The following MYO3A variants were observed in gnomAD, a reference collection of about 807,000 sequenced individuals.
MYO3A encodes the protein myosin-IIIa.
A neutral mutation model predicts 192.7 loss-of-function variants in MYO3A; 180 were observed. The observed-to-expected ratio is 0.93, with a 90% CI of 0.83 to 1.06. The LOEUF (loss-of-function observed/expected upper bound fraction) is 1.06, where lower values mean the gene tolerates loss of function less well. Among genes scored for constraint, MYO3A ranks in the 50% least tolerant of loss-of-function variants. The pLI, the probability that MYO3A is intolerant of heterozygous loss-of-function variation, is 0.00. For synonymous variants in MYO3A, 628 were observed against 645.3 expected (o/e 0.97, Z 0.41); for missense variants, 1,896 against 1,905.0 (o/e 1.00, Z 0.09).
intron 2 of MYO3A, among the ~76,000 whole-genome samples, chr10:25,951,411 G>T (rs12246082): frequency 0.033 from 5,043 of 152,210 alleles, 327 homozygotes; most frequent in African/African-American, 0.11. Context: ...GTATGAAGTG[G>T]TCTCTAAGCT....
At chr10:26,205,065 C>T (rs564737665) in intron 34 of MYO3A, among the ~76,000 whole-genome samples, 15 of 152,090 alleles carry the variant, frequency 9.9e-5, no homozygotes, top group Non-Finnish European at 1.2e-4. Context: ...ATTGGCATTG[C>T]GCGAGAGGGT....
At chr10:26,080,956 G>A (rs898441043) in intron 14 of MYO3A, among the ~76,000 whole-genome samples, 2 of 152,088 alleles carry the variant, frequency 1.3e-5, no homozygotes, top group African/African-American at 4.8e-5. Flanking sequence ...GGTGGAGGTA[G>A]TAGGGGGAGT....
intron 17 of MYO3A, among the ~76,000 whole-genome samples, chr10:26,109,607 C>T (rs1004840718): frequency 7.9e-5 from 12 of 152,180 alleles, no homozygotes; most frequent in Admixed American, 2.0e-4. Flanking sequence ...GGGAGGTATC[C>T]ACCATGGATT....
intron 14 of MYO3A, among the ~76,000 whole-genome samples, chr10:26,087,504 CT>C (rs1588930426): frequency 6.6e-6 from 1 of 152,272 alleles, no homozygotes; most frequent in East Asian, 1.9e-4. Flanking sequence ...TAACTAATAC[CT>C]CCCTAAACCT....
chr10:26,102,712 C>G (rs991831923), intron 17 of MYO3A, among the ~76,000 whole-genome samples: 1 of 152,154 alleles, frequency 6.6e-6, no homozygotes, highest in African/African-American at 2.4e-5. Context: ...GCTGCAGAAC[C>G]GCAAATATTG....
chr10:25,948,336 T>G (rs1836992173), intron 2 of MYO3A, among the ~76,000 whole-genome samples: 1 of 152,166 alleles, frequency 6.6e-6, no homozygotes, highest in Non-Finnish European at 1.5e-5. Context: ...ATGATCAACT[T>G]TTCTATCTTA....
intron 4 of MYO3A, among the ~76,000 whole-genome samples, chr10:25,956,495 A>ATTT (rs562368305): frequency 3.9e-5 from 5 of 128,846 alleles, no homozygotes; most frequent in Non-Finnish European, 6.6e-5. Flanking sequence ...GCCCAGCTAA[A>ATTT]TTTTTTTTTT....
At chr10:26,145,418 G>A in intron 21 of MYO3A, 28 bp from the exon 22 acceptor site, 1 of 1,427,000 alleles carries the variant, frequency 7.0e-7, no homozygotes. Flanking sequence ...ATACATGCTT[G>A]ATATTTGAGT....
chr10:26,152,793 G>A (rs1236199818), intron 23 of MYO3A, among the ~76,000 whole-genome samples: 2 of 152,144 alleles, frequency 1.3e-5, no homozygotes, highest in Non-Finnish European at 2.9e-5. Flanking sequence ...AGTGTGCAGG[G>A]CAAGCCTAGC....
chr10:25,993,081 T>C (rs959268972), intron 4 of MYO3A, among the ~76,000 whole-genome samples: 8 of 152,206 alleles, frequency 5.3e-5, no homozygotes, highest in Non-Finnish European at 1.2e-4. Context: ...TCAGAAGGAA[T>C]GGTACCAGTT....
intron 32 of MYO3A, among the ~76,000 whole-genome samples, chr10:26,199,451 GCTAAGGTGGGAGGATCA>G (rs1386850498): frequency 2.9e-4 from 44 of 152,182 alleles, no homozygotes; most frequent in South Asian, 4.2e-4. Context: ...TACAAGGATG[GCTAAGGTGGGAGGATCA>G]CTAAGGTGGG....
chr10:25,955,359 T>C (rs1461678082), intron 4 of MYO3A, among the ~76,000 whole-genome samples: 1 of 152,190 alleles, frequency 6.6e-6, no homozygotes, highest in African/African-American at 2.4e-5. Context: ...GGTGCTAGGA[T>C]ATAAGAAAAA....
chr10:25,968,522 C>T (rs1838403018), intron 4 of MYO3A, among the ~76,000 whole-genome samples: 1 of 152,162 alleles, frequency 6.6e-6, no homozygotes, highest in Non-Finnish European at 1.5e-5. Flanking sequence ...TGATTTTATA[C>T]TTGTTGTATC....
chr10:26,153,569 A>G (rs1057008213), intron 23 of MYO3A, among the ~76,000 whole-genome samples: 4 of 152,208 alleles, frequency 2.6e-5, no homozygotes, highest in African/African-American at 9.6e-5. Context: ...CTGCTCCCTC[A>G]ATCATAATCA....
rs368718342 is a variant in MYO3A, at chr10:26,083,412, T to A, written c.1360-4791T>A. On this transcript the variant is annotated intron_variant, in intron 14 of 34. Coordinates refer to ENST00000642920, the MANE Select transcript of MYO3A (RefSeq NM_017433.5). ...TTCATTTAATAGTTTTAGACCATGG[T>A]TGACTGTAGGTAACTGGCTCTATGG... is the stretch of plus-strand genomic sequence containing the variant. 1.1e-4 allele frequency among the ~76,000 whole-genome samples: 16 copies of A among 152,342 alleles called. No homozygotes were observed. In the East Asian group the frequency reaches 3.1e-3, roughly 29 times the overall value.
At chr10:26,017,010 T>C (rs1014415432) in intron 7 of MYO3A, 114 bp downstream of exon 7, 15 of 1,144,694 alleles carry the variant, frequency 1.3e-5, no homozygotes, top group Non-Finnish European at 1.9e-5. Flanking sequence ...AAACTCTCAG[T>C]TGTGTTATTT....
At chr10:26,186,410 G>A (rs918082420) in intron 31 of MYO3A, among the ~76,000 whole-genome samples, 9 of 151,836 alleles carry the variant, frequency 5.9e-5, no homozygotes, top group Non-Finnish European at 2.9e-5. Context: ...GAGACTACAG[G>A]CGCCTGCCAC....
chr10:26,001,176 G>A (rs529856315), intron 6 of MYO3A, among the ~76,000 whole-genome samples: 7 of 152,104 alleles, frequency 4.6e-5, no homozygotes, highest in South Asian at 2.1e-4. Context: ...ACTCTCACTC[G>A]CCATTCCTGA....
At chr10:26,185,068 A>C (rs1842797519) in intron 31 of MYO3A, among the ~76,000 whole-genome samples, 2 of 152,178 alleles carry the variant, frequency 1.3e-5, no homozygotes, top group South Asian at 4.1e-4. Flanking sequence ...GTTGAATGCA[A>C]TACATTCATC....
Sources: gnomAD v4.1 joint callset for allele counts (sites outside exome capture counted in the v4.1 genomes callset) on GRCh38, gnomAD v4.1.1 for gene constraint, MANE v1.5 for transcripts, NCBI Gene and HGNC (gene_info 2026-07-23, HGNC 2026-07-21) for gene names.